Variants in SCFD1 observed in about 807,000 individuals in gnomAD.
SCFD1 encodes sec1 family domain containing 1.
A neutral mutation model predicts 103.2 loss-of-function variants in SCFD1; 37 were observed. That is an observed-to-expected ratio of 0.36 (90% CI 0.28 to 0.47). The LOEUF is 0.47. Among genes scored for constraint, SCFD1 ranks in the 20% least tolerant of loss-of-function variants. SCFD1 has a pLI of 1.00. For synonymous variants in SCFD1, 264 were observed against 245.0 expected (o/e 1.08, Z -0.73); for missense variants, 639 against 761.2 (o/e 0.84, Z 1.89).
chr14:30,635,413 A>G (rs1328290936), intron 4 of SCFD1, among the ~76,000 whole-genome samples: 1 of 152,064 alleles, frequency 6.6e-6, no homozygotes, highest in African/African-American at 2.4e-5. Context: ...CATTTATCAC[A>G]TCCTCAACCC....
intron 17 of SCFD1, among the ~76,000 whole-genome samples, chr14:30,705,217 T>C (rs1891386426): frequency 6.6e-6 from 1 of 152,076 alleles, no homozygotes; most frequent in African/African-American, 2.4e-5. Flanking sequence ...AAGAAAGTGG[T>C]TTTGAACTTA....
At chr14:30,690,754 C>G (rs1019383173) in intron 14 of SCFD1, among the ~76,000 whole-genome samples, 1 of 151,754 alleles carries the variant, frequency 6.6e-6, no homozygotes. Context: ...GATGGAAATG[C>G]AGAAATCACC....
intron 1 of SCFD1, among the ~76,000 whole-genome samples, chr14:30,626,029 G>A (rs981788333): frequency 6.6e-6 from 1 of 152,062 alleles, no homozygotes; most frequent in African/African-American, 2.4e-5. Flanking sequence ...CCAGGGTGGT[G>A]GTGTCTTTAT....
At chr14:30,727,419 G>A (rs978271263) in intron 23 of SCFD1, among the ~76,000 whole-genome samples, 13 of 152,274 alleles carry the variant, frequency 8.5e-5, no homozygotes, top group Middle Eastern at 3.4e-3. Flanking sequence ...CAAAAGGCAA[G>A]CATTAGAATT....
intron 2 of SCFD1, among the ~76,000 whole-genome samples, chr14:30,629,577 A>ATT (rs571309645): frequency 0.019 from 2,545 of 135,546 alleles, 51 homozygotes; most frequent in Non-Finnish European, 0.028. Context: ...TAGGGACTTA[A>ATT]TTTTTTTTTT....
chr14:30,680,077 T>G (rs17435401), intron 14 of SCFD1, among the ~76,000 whole-genome samples: 5,251 of 152,280 alleles, frequency 0.034, 133 homozygotes, highest in Non-Finnish European at 0.057. Context: ...TACTGTGAAT[T>G]TCTGGAACTA....
rs200639383 is a variant in SCFD1 at position 30,625,721 on chromosome 14, A to ATATAGG, written c.62-2483_62-2478dup. On this transcript the variant is annotated intron_variant, in intron 1 of 24. Transcript: ENST00000458591. ...GGTATAGGTATATAGGTATATAGGTATATAGGTATATCAATAGGTATATTG... is the reference window on the plus strand; with the variant it reads ...GGTATAGGTATATAGGTATATAGGTATATAGGTATAGGTATATCAATAGGTATATTG... Among the ~76,000 whole-genome samples, 9 of 48,540 alleles carry ATATAGG rather than the reference A, an allele frequency of 1.9e-4. No homozygotes were observed. In the African/African-American group the frequency reaches 2.2e-3, roughly 12 times the overall value. 31.8% of individuals were successfully genotyped at this position (48,540 alleles called of 152,430 possible).
intron 21 of SCFD1, among the ~76,000 whole-genome samples, chr14:30,720,800 G>T (rs1892602979): frequency 6.6e-6 from 1 of 152,170 alleles, no homozygotes; most frequent in Non-Finnish European, 1.5e-5. Flanking sequence ...TTGAGCATCT[G>T]TGGACTTTGG....
intron 23 of SCFD1, among the ~76,000 whole-genome samples, chr14:30,727,337 A>C (rs138351704): frequency 1.0e-3 from 153 of 152,352 alleles, no homozygotes; most frequent in Non-Finnish European, 1.7e-3. Flanking sequence ...GTTTGTGTGC[A>C]TTTCAGAGAC....
intron 14 of SCFD1, among the ~76,000 whole-genome samples, chr14:30,691,131 G>A (rs1212052752): frequency 1.3e-5 from 2 of 152,178 alleles, no homozygotes; most frequent in Non-Finnish European, 2.9e-5. Flanking sequence ...ATACATTAGA[G>A]TATGACCTGT....
intron 1 of SCFD1, among the ~76,000 whole-genome samples, chr14:30,627,760 A>G (rs59856095): frequency 0.18 from 25,727 of 145,740 alleles, 2,943 homozygotes; most frequent in East Asian, 0.46. Flanking sequence ...AAAAAAAAAA[A>G]AAAAAAAGAA....
Position 30,650,600 on chromosome 14 carries a change from T to A in SCFD1, c.705T>A (p.Asp235Glu). Residue 235 changes from aspartate to glutamate, a missense_variant, in exon 9 of 25, where the codon GAT (aspartate) becomes GAA (glutamate). Asp to Glu is a conservative substitution (Grantham distance 45). Transcript: ENST00000458591. ...AGAAACTTCGAGAAAATCTAAGAGA[T>A]GCAAGAAACAGTCTTTTTACAGGTG... ...LDKKLRENLR[D>E]ARNSLFTGDT... 6.2e-7 allele frequency: 1 copy of A among 1,610,672 alleles called. No individual in the cohort carries two copies. Among genetic ancestry groups the A allele is most frequent in the Non-Finnish European group, 8.5e-7 (1 of 1,177,344 alleles).
chr14:30,623,909 T>A (rs1359359890), intron 1 of SCFD1, among the ~76,000 whole-genome samples: 1 of 152,218 alleles, frequency 6.6e-6, no homozygotes, highest in Non-Finnish European at 1.5e-5. Context: ...TTTTGGGAGA[T>A]AACTCACAGT....
intron 19 of SCFD1, among the ~76,000 whole-genome samples, chr14:30,709,226 T>C (rs1470422852): frequency 2.0e-5 from 3 of 152,200 alleles, no homozygotes; most frequent in Non-Finnish European, 4.4e-5. Flanking sequence ...CTCCACACTT[T>C]TCTTTCTTAT....
At position 30,630,993 on chromosome 14, in the gene SCFD1, C is replaced by T. The variant is rs544109700; in HGVS notation, c.221+428C>T. 40 of 162,136 alleles carry T rather than the reference C, an allele frequency of 2.5e-4. 1 individual carries two copies. In the South Asian group the frequency reaches 6.9e-3, roughly 28 times the overall value. 10.0% of individuals were successfully genotyped at this position (162,136 alleles called of 1,614,324 possible). On this transcript the variant is annotated intron_variant, in intron 3 of 24. Transcript: ENST00000458591. ...AAACATCATAGCTTAGCCTCTCCTA[C>T]CCTCAGCATGCTCAGAATACTTACA... is the stretch of plus-strand genomic sequence containing the variant.
chr14:30,662,946 T>G (rs1396032605), intron 10 of SCFD1, among the ~76,000 whole-genome samples: 1 of 152,180 alleles, frequency 6.6e-6, no homozygotes, highest in Non-Finnish European at 1.5e-5. Context: ...TGGAAACAGA[T>G]TAGACTCTAT....
intron 14 of SCFD1, among the ~76,000 whole-genome samples, chr14:30,682,299 C>G (rs1032029579): frequency 1.3e-5 from 2 of 152,168 alleles, no homozygotes; most frequent in Non-Finnish European, 2.9e-5. Flanking sequence ...GAATTTTGTT[C>G]AAGATTCCTA....
At chr14:30,675,333 G>A in intron 14 of SCFD1, 1 of 247,820 alleles carries the variant, frequency 4.0e-6, no homozygotes, top group South Asian at 1.5e-4. Context: ...CAATATCACT[G>A]CTGTACATAC....
chr14:30,631,390 A>C (rs1293377241), intron 3 of SCFD1, among the ~76,000 whole-genome samples: 1 of 152,074 alleles, frequency 6.6e-6, no homozygotes, highest in Non-Finnish European at 1.5e-5. Context: ...AATAAAAATA[A>C]ACTGTTGAAT....
Sources: allele counts gnomAD v4.1 joint callset (sites outside exome capture counted in the v4.1 genomes callset), GRCh38; gene constraint gnomAD v4.1.1; transcripts MANE v1.5; gene names NCBI Gene and HGNC (gene_info 2026-07-23, HGNC 2026-07-21).